Variants in FGF13 observed in about 807,000 individuals in gnomAD.
FGF13 encodes fibroblast growth factor 13.
Under a neutral mutation model 19.5 loss-of-function variants are expected in FGF13, and 2 were observed. The ratio of observed to expected loss-of-function variants is 0.10; its 90% confidence interval spans 0.04 to 0.32. FGF13 has a LOEUF of 0.32. Among genes scored for constraint, FGF13 ranks in the 10% least tolerant of loss-of-function variants. The pLI is 1.00. For synonymous variants in FGF13, 72 were observed against 76.9 expected (o/e 0.94, Z 0.33); for missense variants, 113 against 192.7 (o/e 0.59, Z 2.45).
At chrX:139,151,253 C>T (rs1413805027) in intron 1 of FGF13, among the ~76,000 whole-genome samples, 2 of 111,677 alleles carry the variant, frequency 1.8e-5, no homozygotes, top group African/African-American at 6.5e-5. Context: ...AGTAGACATA[C>T]AAAATGTGTG....
intron 3 of FGF13, among the ~76,000 whole-genome samples, chrX:138,814,064 T>G (rs1035662605): frequency 2.7e-5 from 3 of 110,480 alleles, no homozygotes; most frequent in Non-Finnish European, 5.7e-5. Flanking sequence ...ATTTACATTT[T>G]CTCCATCCAT....
At chrX:138,877,628 A>C (rs1349462044) in intron 1 of FGF13, among the ~76,000 whole-genome samples, 2 of 112,123 alleles carry the variant, frequency 1.8e-5, no homozygotes, top group East Asian at 5.6e-4. Context: ...GTAGCATAAA[A>C]TCTACTTTTT....
At chrX:139,158,281 G>C (rs756647019) in intron 1 of FGF13, among the ~76,000 whole-genome samples, 2 of 110,385 alleles carry the variant, frequency 1.8e-5, no homozygotes, top group Middle Eastern at 4.7e-3. Flanking sequence ...CCCCTGGAAA[G>C]GGGGGTGCAG....
chrX:138,946,394 G>A (rs1252947188), intron 1 of FGF13, among the ~76,000 whole-genome samples: 1 of 111,757 alleles, frequency 8.9e-6, no homozygotes, highest in Non-Finnish European at 1.9e-5. Flanking sequence ...GTCCCAATTC[G>A]ACATAATGTT....
At chrX:138,646,812 G>A (rs2089311735) in intron 3 of FGF13, among the ~76,000 whole-genome samples, 1 of 111,758 alleles carries the variant, frequency 8.9e-6, no homozygotes, top group Admixed American at 9.5e-5. Flanking sequence ...TCGTGTGTGT[G>A]TATGTGTGCA....
rs1350807449 is a variant in FGF13 at position 138,627,632 on chromosome X, T to TGC, written c.*5217_*5218insGC. On this transcript the variant is annotated 3_prime_UTR_variant, in exon 5 of 5. Coordinates refer to ENST00000315930, the MANE Select transcript of FGF13 (RefSeq NM_004114.5). ...GTGTGTGTGTGTGTGTGTGTGCGCG[T>TGC]GTGTGTGTGTGTGTGTGTGAAGTGT... 1.6e-5 allele frequency: 1 copy of TGC among 61,999 alleles called. No homozygotes were observed. Among genetic ancestry groups the TGC allele is most frequent in the African/African-American group, 6.0e-5 (1 of 16,799 alleles). The allele number at this position is 61,999 out of a possible 1,213,427, so 5.1% of individuals were successfully genotyped here.
At chrX:138,918,117 C>T (rs963271027) in intron 1 of FGF13, among the ~76,000 whole-genome samples, 1 of 109,209 alleles carries the variant, frequency 9.2e-6, no homozygotes, top group Non-Finnish European at 1.9e-5. Context: ...TGGACTAAAA[C>T]CTTTCCAAAA....
intron 1 of FGF13, among the ~76,000 whole-genome samples, chrX:139,023,452 A>G (rs1424519987): frequency 9.0e-6 from 1 of 111,436 alleles, no homozygotes; most frequent in Non-Finnish European, 1.9e-5. Context: ...AGCAGACAAG[A>G]AAGCAGGAAG....
intron 3 of FGF13, among the ~76,000 whole-genome samples, chrX:138,836,204 C>T (rs147829480): frequency 1.8e-4 from 20 of 111,351 alleles, no homozygotes; most frequent in Non-Finnish European, 3.6e-4. Flanking sequence ...GTATCCTCTG[C>T]ATTTCCTGAA....
chrX:139,186,543 T>A (rs146096118), intron 1 of FGF13, among the ~76,000 whole-genome samples: 1 of 111,481 alleles, frequency 9.0e-6, no homozygotes, highest in Admixed American at 9.5e-5. Context: ...GGGCTTCCCA[T>A]CAGGAAACTC....
intron 3 of FGF13, among the ~76,000 whole-genome samples, chrX:138,810,651 A>G (rs1297500391): frequency 8.9e-6 from 1 of 112,055 alleles, no homozygotes; most frequent in East Asian, 2.8e-4. Flanking sequence ...ATCAGAGTGA[A>G]CTGGCAACCT....
intron 1 of FGF13, among the ~76,000 whole-genome samples, chrX:138,880,216 C>A (rs1474920689): frequency 2.7e-5 from 3 of 112,068 alleles, no homozygotes; most frequent in Non-Finnish European, 5.6e-5. Flanking sequence ...AATAGGAACG[C>A]TTTTACACTG....
In FGF13 at chrX:138,632,790, G is replaced by T. The variant is rs1287037699; in HGVS notation, c.*60C>A. On this transcript the variant is annotated 3_prime_UTR_variant, in exon 5 of 5. Transcript: ENST00000315930. ...ACTTTTGGGTGAAGGACTGCTAGAA[G>T]AATTCAACAGCACCTGGAGGTAAGG... 2 of 1,148,716 alleles carry T rather than the reference G, an allele frequency of 1.7e-6. No homozygotes were observed. Among genetic ancestry groups the T allele is most frequent in the East Asian group, 6.1e-5 (2 of 33,005 alleles). The allele number at this position is 1,148,716 out of a possible 1,213,427, so 94.7% of individuals were successfully genotyped here.
At chrX:139,043,440 T>C (rs1391441222) in intron 1 of FGF13, among the ~76,000 whole-genome samples, 2 of 110,849 alleles carry the variant, frequency 1.8e-5, no homozygotes, top group Non-Finnish European at 3.8e-5. Context: ...CTCGAGCTTC[T>C]AACCTCAGGT....
At chrX:138,924,357 A>G (rs182034222) in intron 1 of FGF13, among the ~76,000 whole-genome samples, 1 of 111,749 alleles carries the variant, frequency 8.9e-6, no homozygotes, top group East Asian at 2.8e-4. Context: ...TAGAAGCACC[A>G]GGCTCTGGTC....
chrX:138,725,177 A>G (rs2090175929), intron 1 of FGF13, among the ~76,000 whole-genome samples: 1 of 111,738 alleles, frequency 8.9e-6, no homozygotes, highest in Non-Finnish European at 1.9e-5. Context: ...TGGTCTGAAC[A>G]GAGTTTCTAC....
rs954201997 is a variant in FGF13, at chrX:138,629,959, T to C, written c.*2891A>G. On this transcript the variant is annotated 3_prime_UTR_variant, in exon 5 of 5. Transcript: ENST00000315930. ...GTCTTTTTTTCTTTCATCAGTTATG[T>C]GGCAGGACTAGTATTTTCTGCCAGG... The C allele has an allele frequency of 9.0e-6, 1 of 111,289 alleles. No homozygotes were observed. The highest frequency in any genetic ancestry group is 1.9e-5 in the Non-Finnish European group (1 of 53,090). The allele number at this position is 111,289 out of a possible 1,213,427, so 9.2% of individuals were successfully genotyped here.
intron 1 of FGF13, among the ~76,000 whole-genome samples, chrX:139,169,623 C>T (rs2084113742): frequency 9.0e-6 from 1 of 110,991 alleles, no homozygotes; most frequent in African/African-American, 3.3e-5. Context: ...TGCGTCTGGC[C>T]CTGCTTTCTA....
At chrX:138,838,451 C>T (rs1159762205) in intron 3 of FGF13, among the ~76,000 whole-genome samples, 5 of 111,638 alleles carry the variant, frequency 4.5e-5, no homozygotes, top group Admixed American at 1.9e-4. Context: ...TGGGATCTCC[C>T]GACCTGAGGG....
Sources: allele counts gnomAD v4.1 joint callset (sites outside exome capture counted in the v4.1 genomes callset), GRCh38; gene constraint gnomAD v4.1.1; transcripts MANE v1.5; gene names NCBI Gene and HGNC (gene_info 2026-07-23, HGNC 2026-07-21).